Variants in NRG1 observed in about 807,000 individuals in gnomAD.
The protein encoded by NRG1 is pro-neuregulin-1, membrane-bound isoform.
A neutral mutation model predicts 63.8 loss-of-function variants in NRG1; 18 were observed. The observed-to-expected ratio is 0.28, with a 90% CI of 0.19 to 0.42. NRG1 has a LOEUF of 0.42. Ranked by LOEUF, NRG1 falls within the 10% of genes least tolerant of loss-of-function variation. The probability of loss-of-function intolerance (pLI) is 1.00; values close to 1 mark genes in which losing one functional copy is unlikely to be tolerated. For synonymous variants in NRG1, 302 were observed against 301.3 expected, an observed-to-expected ratio of 1.00 and a Z score of -0.02; for missense variants, 762 against 814.7, an observed-to-expected ratio of 0.94 and a Z score of 0.79.
chr8:31,786,789 C>T (rs1340351505), intron 1 of NRG1, among the ~76,000 whole-genome samples: 1 of 152,084 alleles, frequency 6.6e-6, no homozygotes, highest in Non-Finnish European at 1.5e-5. Flanking sequence ...GCTTCTATGC[C>T]CTTCCTGGGT....
chr8:32,494,712 T>C (rs1826991173), intron 1 of NRG1, among the ~76,000 whole-genome samples: 1 of 152,098 alleles, frequency 6.6e-6, no homozygotes, highest in Non-Finnish European at 1.5e-5. Context: ...TTAATGAAAA[T>C]GAGAGCTTAG....
intron 1 of NRG1, among the ~76,000 whole-genome samples, chr8:31,650,083 G>A (rs1804685368): frequency 6.6e-6 from 1 of 152,082 alleles, no homozygotes; most frequent in African/African-American, 2.4e-5. Flanking sequence ...GACTCAAGCA[G>A]TCCTCCACTT....
At chr8:32,316,963 G>T (rs1228511763) in intron 1 of NRG1, among the ~76,000 whole-genome samples, 1 of 152,164 alleles carries the variant, frequency 6.6e-6, no homozygotes, top group Middle Eastern at 3.2e-3. Flanking sequence ...ATTTTCTCCT[G>T]CCCTTCAATG....
intron 1 of NRG1, among the ~76,000 whole-genome samples, chr8:32,189,459 A>T (rs983280503): frequency 2.6e-5 from 4 of 152,222 alleles, no homozygotes; most frequent in Admixed American, 6.5e-5. Flanking sequence ...GGTATGTAGA[A>T]CCTAACAGAG....
intron 1 of NRG1, among the ~76,000 whole-genome samples, chr8:32,257,760 C>T (rs1346857872): frequency 6.6e-6 from 1 of 152,206 alleles, no homozygotes; most frequent in Non-Finnish European, 1.5e-5. Flanking sequence ...TCCTAAAAGA[C>T]CACTATTGAC....
chr8:32,530,364 C>G (rs1252166904), intron 1 of NRG1, among the ~76,000 whole-genome samples: 1 of 152,150 alleles, frequency 6.6e-6, no homozygotes, highest in East Asian at 1.9e-4. Flanking sequence ...GCCTCGGCCT[C>G]CCAAAGTGCT....
chr8:31,847,230 C>T (rs990401551), intron 1 of NRG1, among the ~76,000 whole-genome samples: 3 of 152,210 alleles, frequency 2.0e-5, no homozygotes, highest in East Asian at 1.9e-4. Flanking sequence ...ATGCCAACAA[C>T]ATATTAAATA....
chr8:32,680,519 C>T (rs1264025430), intron 5 of NRG1, among the ~76,000 whole-genome samples: 1 of 152,086 alleles, frequency 6.6e-6, no homozygotes, highest in Non-Finnish European at 1.5e-5. Context: ...TTTCTGTGAA[C>T]ATGGAGATTT....
chr8:32,532,961 T>C (rs1831600457), intron 1 of NRG1, among the ~76,000 whole-genome samples: 1 of 151,986 alleles, frequency 6.6e-6, no homozygotes, highest in South Asian at 2.1e-4. Flanking sequence ...AATATTCATG[T>C]GTATGTTTTG....
intron 1 of NRG1, among the ~76,000 whole-genome samples, chr8:31,658,615 G>A (rs1177064024): frequency 2.6e-5 from 4 of 152,170 alleles, no homozygotes; most frequent in South Asian, 2.1e-4. Flanking sequence ...GACATGCACC[G>A]CCATGCCTGG....
At chr8:32,705,298 A>C (rs1816094901) in intron 5 of NRG1, among the ~76,000 whole-genome samples, 1 of 151,806 alleles carries the variant, frequency 6.6e-6, no homozygotes, top group African/African-American at 2.4e-5. Context: ...CACCCGGGTA[A>C]TTTTTTGTAT....
At position 32,108,886 on chromosome 8, in the gene NRG1, C is replaced by T. The variant is rs1279785775; in HGVS notation, c.37+469455C>T. Among the ~76,000 whole-genome samples the T allele has an allele frequency of 2.0e-5, 3 of 152,120 alleles. No homozygotes were observed. In the East Asian group the frequency reaches 5.8e-4, roughly 29 times the overall value. ...GCTCTGTGCAACCTGTTTCAGACTG[C>T]TGCAGAACCGTAAGATAATAAATTC... On this transcript the variant is annotated intron_variant, in intron 1 of 10. Coordinates refer to the NRG1 transcript ENST00000519301.
intron 1 of NRG1, among the ~76,000 whole-genome samples, chr8:32,436,841 G>A (rs1436834826): frequency 6.6e-6 from 1 of 151,956 alleles, no homozygotes; most frequent in African/African-American, 2.4e-5. Flanking sequence ...TAAAGATAAA[G>A]ATGTCAGTGT....
At chr8:31,748,012 T>G (rs1816066293) in intron 1 of NRG1, among the ~76,000 whole-genome samples, 1 of 151,990 alleles carries the variant, frequency 6.6e-6, no homozygotes, top group Admixed American at 6.6e-5. Context: ...CAGCAATACT[T>G]TGCAAGGTCA....
At chr8:31,982,650 G>A (rs1020256843) in intron 1 of NRG1, among the ~76,000 whole-genome samples, 9 of 152,066 alleles carry the variant, frequency 5.9e-5, no homozygotes, top group Non-Finnish European at 8.8e-5. Flanking sequence ...TTTGTGATGT[G>A]ATGGCAAAAG....
At chr8:32,182,034 AC>A (rs1402655992) in intron 1 of NRG1, among the ~76,000 whole-genome samples, 2 of 152,224 alleles carry the variant, frequency 1.3e-5, no homozygotes, top group Non-Finnish European at 2.9e-5. Context: ...GTAAAATTCT[AC>A]TTCCATATTA....
chr8:32,026,851 G>T (rs1817458508), intron 1 of NRG1, among the ~76,000 whole-genome samples: 1 of 151,968 alleles, frequency 6.6e-6, no homozygotes, highest in Non-Finnish European at 1.5e-5. Context: ...TTAACATTGT[G>T]TTGGATTTTT....
intron 1 of NRG1, among the ~76,000 whole-genome samples, chr8:32,186,705 A>AAC (rs1008654356): frequency 2.0e-5 from 3 of 152,162 alleles, no homozygotes; most frequent in African/African-American, 7.2e-5. Flanking sequence ...TCTGTGTTTT[A>AAC]ACAAGATCTC....
intron 1 of NRG1, among the ~76,000 whole-genome samples, chr8:31,957,684 A>C (rs1804683445): frequency 2.0e-5 from 3 of 151,380 alleles, no homozygotes; most frequent in Non-Finnish European, 4.4e-5. Flanking sequence ...CTGACAGCCC[A>C]TCACAATTCA....
Sources: allele counts gnomAD v4.1 joint callset (sites outside exome capture counted in the v4.1 genomes callset), GRCh38; gene constraint gnomAD v4.1.1; transcripts MANE v1.5; gene names NCBI Gene and HGNC (gene_info 2026-07-23, HGNC 2026-07-21).